Variants in NHEJ1 observed in about 807,000 individuals in gnomAD.
NHEJ1 encodes the protein non-homologous end joining factor 1.
A neutral mutation model predicts 39.4 loss-of-function variants in NHEJ1; 22 were observed. The observed-to-expected ratio is 0.56, with a 90% CI of 0.40 to 0.80. NHEJ1 has a LOEUF of 0.80. Among genes scored for constraint, NHEJ1 ranks in the 30% least tolerant of loss-of-function variants. The probability of loss-of-function intolerance (pLI) is 0.00; values close to 1 mark genes in which losing one functional copy is unlikely to be tolerated. For synonymous variants in NHEJ1, 154 were observed against 135.6 expected (o/e 1.14, Z -0.94); for missense variants, 329 against 357.1 (o/e 0.92, Z 0.63).
At chr2:219,114,377 A>G (rs1267201642) in intron 5 of NHEJ1, among the ~76,000 whole-genome samples, 1 of 152,192 alleles carries the variant, frequency 6.6e-6, no homozygotes, top group Non-Finnish European at 1.5e-5. Flanking sequence ...TTGTATATCA[A>G]TCTCAGAGAA....
intron 5 of NHEJ1, among the ~76,000 whole-genome samples, chr2:219,096,828 T>C (rs1017397993): frequency 6.6e-6 from 1 of 152,170 alleles, no homozygotes; most frequent in Admixed American, 6.5e-5. Flanking sequence ...AGAAAGATTA[T>C]AGGGATCAGG....
Position 219,145,880 on chromosome 2 carries a change from C to T in NHEJ1, c.588+800G>A, listed in dbSNP as rs189525046. Among the ~76,000 whole-genome samples the T allele has an allele frequency of 1.0e-4, 15 of 150,182 alleles. No homozygotes were observed. The East Asian group carries it at 2.6e-3, about 26-fold the overall frequency. On this transcript the variant is annotated intron_variant, in intron 5 of 7. Coordinates refer to ENST00000356853, the MANE Select transcript of NHEJ1 (RefSeq NM_024782.3). ...CCGGGAGGCGGAGGTTGCTGTGAGC[C>T]GAGATCGCACCATTGCACTCCAGCC... is the stretch of plus-strand genomic sequence containing the variant.
intron 5 of NHEJ1, among the ~76,000 whole-genome samples, chr2:219,107,157 A>G (rs1949321918): frequency 6.6e-6 from 1 of 152,228 alleles, no homozygotes; most frequent in Non-Finnish European, 1.5e-5. Context: ...AACATATGAT[A>G]TATGCAAGAG....
At chr2:219,128,268 T>C (rs1233972708) in intron 5 of NHEJ1, among the ~76,000 whole-genome samples, 1 of 152,218 alleles carries the variant, frequency 6.6e-6, no homozygotes, top group East Asian at 1.9e-4. Context: ...AGAGGACTTA[T>C]CTCAATGAAC....
At chr2:219,126,517 C>G (rs1285658925) in intron 5 of NHEJ1, among the ~76,000 whole-genome samples, 1 of 152,162 alleles carries the variant, frequency 6.6e-6, no homozygotes, top group East Asian at 1.9e-4. Flanking sequence ...TTTTACCAGG[C>G]AGTTATGCGA....
At chr2:219,124,682 C>A (rs1949499815) in intron 5 of NHEJ1, 1 of 151,630 alleles carries the variant, frequency 6.6e-6, no homozygotes. Flanking sequence ...AAGACACATC[C>A]TAGATAAAAA....
intron 7 of NHEJ1, 101 bp from the exon 8 acceptor site, chr2:219,076,556 CCTT>C (rs1949016107): frequency 1.5e-6 from 1 of 685,262 alleles, no homozygotes; most frequent in Non-Finnish European, 2.4e-6. Flanking sequence ...TAGGATGAGG[CCTT>C]TTTTTTTTTT....
chr2:219,114,481 G>C lies in NHEJ1; in HGVS notation c.588+32199C>G, dbSNP rs149007554. 7.2e-3 allele frequency among the ~76,000 whole-genome samples: 1,101 copies of C among 152,280 alleles called. 10 individuals are homozygous for C. The highest frequency in any genetic ancestry group is 0.014 in the South Asian group (66 of 4,818). ...CATTCTCAGGGGCTTCCAGACAGAA[G>C]GGCACTCCAACATTGAAGATGACAG... On this transcript the variant is annotated intron_variant, in intron 5 of 7. Transcript: ENST00000356853.
chr2:219,156,775 T>A (rs939291463), intron 3 of NHEJ1, among the ~76,000 whole-genome samples: 2 of 152,252 alleles, frequency 1.3e-5, no homozygotes, highest in African/African-American at 4.8e-5. Flanking sequence ...TATCTAACAC[T>A]GGTACATATT....
At chr2:219,107,369 C>T (rs553532930) in intron 5 of NHEJ1, among the ~76,000 whole-genome samples, 2 of 152,172 alleles carry the variant, frequency 1.3e-5, no homozygotes, top group South Asian at 2.1e-4. Context: ...CAAAATTGCT[C>T]GTCTGACAGA....
chr2:219,101,288 T>C (rs1010987923), intron 5 of NHEJ1, among the ~76,000 whole-genome samples: 14 of 152,132 alleles, frequency 9.2e-5, no homozygotes, highest in Non-Finnish European at 2.1e-4. Context: ...CTAATTTTTG[T>C]ATTTTTAGTA....
At chr2:219,103,155 A>T (rs554732229) in intron 5 of NHEJ1, among the ~76,000 whole-genome samples, 2 of 146,814 alleles carry the variant, frequency 1.4e-5, no homozygotes, top group African/African-American at 2.6e-5. Flanking sequence ...CACTCTTTAT[A>T]AAAAAAAGCA....
intron 5 of NHEJ1, among the ~76,000 whole-genome samples, chr2:219,136,582 C>T (rs545958988): frequency 4.8e-4 from 73 of 152,146 alleles, no homozygotes; most frequent in African/African-American, 1.6e-3. Context: ...AGCCACCACA[C>T]GTAGCCCCTA....
intron 5 of NHEJ1, among the ~76,000 whole-genome samples, chr2:219,141,537 A>G (rs1333808235): frequency 2.0e-5 from 3 of 152,144 alleles, no homozygotes; most frequent in Non-Finnish European, 2.9e-5. Context: ...TGACTCCCAA[A>G]TTTCTAGCTT....
At chr2:219,101,947 A>C (rs889826963) in intron 5 of NHEJ1, among the ~76,000 whole-genome samples, 2 of 141,158 alleles carry the variant, frequency 1.4e-5, no homozygotes, top group African/African-American at 5.4e-5. Flanking sequence ...GATGGTCTCG[A>C]TCTCCTGACC....
intron 5 of NHEJ1, among the ~76,000 whole-genome samples, chr2:219,097,803 A>G (rs1169685787): frequency 2.6e-5 from 4 of 152,212 alleles, no homozygotes; most frequent in Non-Finnish European, 5.9e-5. Context: ...GGGAGAAAGA[A>G]CTGGGCTGAA....
chr2:219,087,438 C>G (rs1344670484), intron 5 of NHEJ1, among the ~76,000 whole-genome samples: 1 of 151,568 alleles, frequency 6.6e-6, no homozygotes, highest in Non-Finnish European at 1.5e-5. Context: ...GTGTAGGGCA[C>G]AAAGTTGATT....
Position 219,076,335 on chromosome 2 carries a change from G to A in NHEJ1, c.*46C>T, listed in dbSNP as rs1949013349. 2.5e-6 allele frequency: 4 copies of A among 1,614,034 alleles called. No individual in the cohort carries two copies. The highest frequency in any genetic ancestry group is 1.7e-4 in the Middle Eastern group (1 of 6,046). On this transcript the variant is annotated 3_prime_UTR_variant, in exon 8 of 8. Coordinates refer to ENST00000356853, the MANE Select transcript of NHEJ1 (RefSeq NM_024782.3). ...TAAGCTTCTTTCAAGGTGAAGCTTG[G>A]AAGCTGTTCTCCAAGTCCATCCTCA...
At chr2:219,121,816 T>C (rs72951770) in intron 5 of NHEJ1, among the ~76,000 whole-genome samples, 5,935 of 150,426 alleles carry the variant, frequency 0.039, 166 homozygotes, top group Middle Eastern at 0.13. Flanking sequence ...ATAGACCCTA[T>C]CTTAAAAAAA....
Sources: gnomAD v4.1 joint callset for allele counts (sites outside exome capture counted in the v4.1 genomes callset) on GRCh38, gnomAD v4.1.1 for gene constraint, MANE v1.5 for transcripts, NCBI Gene and HGNC (gene_info 2026-07-23, HGNC 2026-07-21) for gene names.